Variants in GLIS2 observed in about 807,000 individuals in gnomAD.
GLIS2 encodes the protein zinc finger protein GLIS2.
In GLIS2, 14 loss-of-function variants were observed where a neutral mutation model predicts 35.6. The ratio of observed to expected loss-of-function variants is 0.39; its 90% CI spans 0.26 to 0.61. The LOEUF is 0.61. Among genes scored for constraint, GLIS2 ranks in the 20% least tolerant of loss-of-function variants. The pLI is 0.48. For missense variants in GLIS2, 675 were observed against 713.4 expected (o/e 0.95, Z 0.61); for synonymous variants, 368 against 325.1 (o/e 1.13, Z -1.42).
intron 1 of GLIS2, chr16:4,328,125 A>T (rs2053458022): frequency 6.6e-6 from 1 of 152,260 alleles, no homozygotes; most frequent in Non-Finnish European, 1.5e-5. Flanking sequence ...GGGTGCCCCC[A>T]CCTGACCGAG....
rs1265996842 is a variant in GLIS2 at position 4,320,319 on chromosome 16, G to T, written c.-67+4065G>T. Among the ~76,000 whole-genome samples, 1 of 152,136 alleles carries T rather than the reference G, an allele frequency of 6.6e-6. No homozygotes were observed. The highest frequency in any genetic ancestry group is 1.5e-5 in the Non-Finnish European group (1 of 68,008). On this transcript the variant is annotated intron_variant, in intron 1 of 6. Coordinates refer to ENST00000433375, the MANE Select transcript of GLIS2 (RefSeq NM_032575.3). The surrounding 1 kb of genome is among the most constrained non-coding windows in gnomAD (Gnocchi z 5.6). Reference sequence around the variant, plus strand: ...CCCGGCCGGGAGCCTCCGGAAAACAGTCCTGCCCGTCACATGGAGGGTCCC... The same window carrying T: ...CCCGGCCGGGAGCCTCCGGAAAACATTCCTGCCCGTCACATGGAGGGTCCC...
At chr16:4,318,358 G>C (rs2053337798) in intron 1 of GLIS2, among the ~76,000 whole-genome samples, 1 of 152,188 alleles carries the variant, frequency 6.6e-6, no homozygotes, top group Admixed American at 6.5e-5. Flanking sequence ...TGGGTGGAGG[G>C]GGGTCAGGGG....
chr16:4,318,490 G>A (rs896691556), intron 1 of GLIS2, among the ~76,000 whole-genome samples: 6 of 152,198 alleles, frequency 3.9e-5, no homozygotes, highest in Admixed American at 1.3e-4. Flanking sequence ...TGTGAACCGC[G>A]TCCCCCCAAA....
At chr16:4,319,607 C>T (rs751261472) in intron 1 of GLIS2, among the ~76,000 whole-genome samples, 17 of 152,214 alleles carry the variant, frequency 1.1e-4, no homozygotes, top group Admixed American at 2.0e-4. Context: ...TCTGAGGTGG[C>T]CGCCTCCGCC....
intron 1 of GLIS2, among the ~76,000 whole-genome samples, chr16:4,329,791 G>A (rs1288023608): frequency 6.6e-6 from 1 of 152,206 alleles, no homozygotes; most frequent in Non-Finnish European, 1.5e-5. Context: ...CGCGAAAGAC[G>A]GGATCTCACA....
In GLIS2 at chr16:4,333,477, G is replaced by A. The variant is rs1429727531; in HGVS notation, c.303G>A (p.Glu101=). The A allele has an allele frequency of 6.2e-7, 1 of 1,612,396 alleles. No homozygotes were observed. Among genetic ancestry groups the A allele is most frequent in the South Asian group, 1.1e-5 (1 of 91,076 alleles). ...ATGGCAGCAGCTCGCTGTCCCCCGA[G>A]CGCCAGGGCAACGGGGACCTGCCTC... ...SPNGSSSLSP[E]RQGNGDLPPV... Residue 101 remains glutamate (E), a synonymous_variant, in exon 3 of 7, where the codon GAG becomes GAA. Transcript: ENST00000433375.
chr16:4,317,273 C>G (rs114514924), intron 1 of GLIS2, among the ~76,000 whole-genome samples: 100 of 152,278 alleles, frequency 6.6e-4, no homozygotes, highest in African/African-American at 2.2e-3. Context: ...ACTGAGGGGG[C>G]AGCCAGGCCG....
In GLIS2 at chr16:4,332,219, C is replaced by T. The variant is rs953898841; in HGVS notation, c.-62C>T. 3 of 1,581,196 alleles carry T rather than the reference C, an allele frequency of 1.9e-6. No homozygotes were observed. Among genetic ancestry groups the T allele is most frequent in the Admixed American group, 3.6e-5 (2 of 56,098 alleles). On this transcript the variant is annotated 5_prime_UTR_variant, in exon 2 of 7. Transcript: ENST00000433375. The surrounding 1 kb of genome is among the most constrained non-coding windows in gnomAD (Gnocchi z 5.4). The stretch of plus-strand genomic sequence containing the variant: ...ACAGCTCCTGTCCTTCCCCAGGTTC[C>T]TGCGTGAAGACCAGCTGGGAGCCCA...
chr16:4,322,985 G>A (rs564922466), intron 1 of GLIS2, among the ~76,000 whole-genome samples: 2 of 152,336 alleles, frequency 1.3e-5, no homozygotes, highest in East Asian at 3.9e-4. Flanking sequence ...AGAAGCCAAG[G>A]CTCCTGAGTC....
chr16:4,322,531 G>A (rs1210651814), intron 1 of GLIS2, among the ~76,000 whole-genome samples: 1 of 152,082 alleles, frequency 6.6e-6, no homozygotes, highest in Non-Finnish European at 1.5e-5. Flanking sequence ...CTGACCGGGC[G>A]CCGACCCGCA....
chr16:4,330,527 C>T lies in GLIS2; in HGVS notation c.-66-1688C>T, dbSNP rs1224417835. Among the ~76,000 whole-genome samples the T allele has an allele frequency of 2.0e-5, 3 of 152,200 alleles. 1 individual carries two copies. Among genetic ancestry groups the T allele is most frequent in the Non-Finnish European group, 2.9e-5 (2 of 68,024 alleles). ...CTCCCTGGCTTGCGATGCCTCTCCT[C>T]TAGGCCTCTGCAGGGAGGGCGGTGG... On this transcript the variant is annotated intron_variant, in intron 1 of 6. Coordinates refer to ENST00000433375, the MANE Select transcript of GLIS2 (RefSeq NM_032575.3).
chr16:4,319,759 G>A (rs939702539), intron 1 of GLIS2, among the ~76,000 whole-genome samples: 10 of 152,188 alleles, frequency 6.6e-5, no homozygotes, highest in Admixed American at 2.0e-4. Flanking sequence ...TGGTGATGAT[G>A]GTGGCAGGGT....
Position 4,338,093 on chromosome 16 carries a change from T to C in GLIS2, c.*569T>C, listed in dbSNP as rs1256067645. On this transcript the variant is annotated 3_prime_UTR_variant, in exon 7 of 7. Coordinates refer to ENST00000433375, the MANE Select transcript of GLIS2 (RefSeq NM_032575.3). Reference sequence around the variant, plus strand: ...ATGCAGGCCCCTGCAAAGCCCCAGGTAGAAGCATGCCCCCCAGGACAAGGC... The same window carrying C: ...ATGCAGGCCCCTGCAAAGCCCCAGGCAGAAGCATGCCCCCCAGGACAAGGC... 1 of 169,912 alleles carries C rather than the reference T, an allele frequency of 5.9e-6. No individual in the cohort carries two copies. The highest frequency in any genetic ancestry group is 1.3e-5 in the Non-Finnish European group (1 of 78,598). The allele number at this position is 169,912 out of a possible 1,614,324, so 10.5% of individuals were successfully genotyped here. A position where few individuals can be genotyped will look rare whatever the true frequency, so the allele number is the denominator to read the frequency against.
rs1233158734 is a variant in GLIS2 at position 4,332,456 on chromosome 16, C to T, written c.172+4C>T. ...TCTCCAGGCTCCCCGCCCTCAGGTA[C>T]TGGCCCTGGGCAGGGCAGGGGGACT... On this transcript the variant is annotated splice_donor_region_variant and intron_variant, in intron 2 of 6. Coordinates refer to ENST00000433375, the MANE Select transcript of GLIS2 (RefSeq NM_032575.3). The surrounding 1 kb of genome is among the most constrained non-coding windows in gnomAD (Gnocchi z 5.4). 6.2e-7 allele frequency: 1 copy of T among 1,610,766 alleles called. No homozygotes were observed. The highest frequency in any genetic ancestry group is 1.1e-5 in the South Asian group (1 of 90,946).
chr16:4,324,344 C>G (rs114992847), intron 1 of GLIS2, among the ~76,000 whole-genome samples: 1 of 152,228 alleles, frequency 6.6e-6, no homozygotes, highest in Non-Finnish European at 1.5e-5. Flanking sequence ...GGAGGCCTGT[C>G]TGCGGCCAGC....
At chr16:4,329,002 G>C (rs1301302334) in intron 1 of GLIS2, 1 of 152,256 alleles carries the variant, frequency 6.6e-6, no homozygotes, top group Admixed American at 6.5e-5. Context: ...GACAGAGGCT[G>C]TGGGGAGGCC....
rs902878239 is a variant in GLIS2, at chr16:4,320,956, G to A, written c.-67+4702G>A. On this transcript the variant is annotated intron_variant, in intron 1 of 6. Coordinates refer to ENST00000433375, the MANE Select transcript of GLIS2 (RefSeq NM_032575.3). The surrounding 1 kb of genome is among the most constrained non-coding windows in gnomAD (Gnocchi z 5.6). ...GGGCCTGGAGCCACCAGGCCTGGCA[G>A]ATCCTGCCAGTGGGTGTTCCCCTTT... is the stretch of plus-strand genomic sequence containing the variant. 6.6e-6 allele frequency among the ~76,000 whole-genome samples: 1 copy of A among 152,238 alleles called. No homozygotes were observed. The highest frequency in any genetic ancestry group is 2.4e-5 in the African/African-American group (1 of 41,462).
chr16:4,318,355 A>AG (rs745310500), intron 1 of GLIS2, among the ~76,000 whole-genome samples: 1 of 152,226 alleles, frequency 6.6e-6, no homozygotes, highest in East Asian at 1.9e-4. Flanking sequence ...GCCTGGGTGG[A>AG]GGGGGGTCAG....
chr16:4,339,044 C>G lies in GLIS2; in HGVS notation c.*1520C>G, dbSNP rs954692604. The G allele has an allele frequency of 6.6e-6, 1 of 152,450 alleles. No homozygotes were observed. 9.4% of individuals were successfully genotyped at this position (152,450 alleles called of 1,614,324 possible). On this transcript the variant is annotated 3_prime_UTR_variant, in exon 7 of 7. Coordinates refer to ENST00000433375, the MANE Select transcript of GLIS2 (RefSeq NM_032575.3). ...AGGTCCTCTGGCAGCTCTGCTGACC[C>G]CACCCTCTCCCGGACTGCCCTTCTG...
Sources: gnomAD v4.1 joint callset for allele counts (sites outside exome capture counted in the v4.1 genomes callset) on GRCh38, gnomAD v4.1.1 for gene constraint, Gnocchi (gnomAD v3.1) non-coding constraint, MANE v1.5 for transcripts, NCBI Gene and HGNC (gene_info 2026-07-23, HGNC 2026-07-21) for gene names.